Variants in KLRG1 observed in about 807,000 individuals in gnomAD.
KLRG1 encodes killer cell lectin-like receptor subfamily G member 1.
In KLRG1, 16 loss-of-function variants were observed where a neutral mutation model predicts 21.8. The observed-to-expected ratio is 0.73, with a 90% confidence interval of 0.50 to 1.11. The LOEUF is 1.11. Ranked by LOEUF, KLRG1 falls within the 50% of genes most tolerant of loss-of-function variation. The pLI, the probability that KLRG1 is intolerant of heterozygous loss-of-function variation, is 0.00. For synonymous variants in KLRG1, 69 were observed against 75.9 expected (o/e 0.91, Z 0.47); for missense variants, 173 against 218.3 (o/e 0.79, Z 1.31).
the KLRG1 span, among the ~76,000 whole-genome samples, chr12:9,129,135 C>T: frequency 2.0e-5 from 3 of 152,174 alleles, no homozygotes; most frequent in African/African-American, 7.2e-5. Flanking sequence ...CCTACACAGG[C>T]ACATCGGGCA....
the KLRG1 span, chr12:9,156,179 T>C: frequency 4.8e-6 from 1 of 208,606 alleles, no homozygotes; most frequent in South Asian, 8.7e-5. Context: ...TCTTGTAGGC[T>C]TCTTTTGTGA....
chr12:9,156,702 A>G, the KLRG1 span, among the ~76,000 whole-genome samples: 4 of 152,314 alleles, frequency 2.6e-5, no homozygotes, highest in South Asian at 4.1e-4. Flanking sequence ...AACATATGCA[A>G]TCCCAGAGAA....
At chr12:9,192,724 G>A in the KLRG1 span, 14 of 1,609,578 alleles carry the variant, frequency 8.7e-6, no homozygotes, top group Non-Finnish European at 1.2e-5. Flanking sequence ...CACAAGTTGG[G>A]ATGCACAGTG....
chr12:9,011,945 G>T (rs1432789941), downstream of KLRG1, among the ~76,000 whole-genome samples: 1 of 152,198 alleles, frequency 6.6e-6, no homozygotes, highest in Non-Finnish European at 1.5e-5. Context: ...AGCCACAGGG[G>T]AATGGCCCAT....
chr12:8,992,417 C>G (rs1316050272), intron 2 of KLRG1, 107 bp downstream of exon 2: 1 of 741,448 alleles, frequency 1.3e-6, no homozygotes, highest in South Asian at 1.8e-5. Context: ...CAAAATAACT[C>G]TCCATCTGTA....
chr12:9,118,012 T>C, the KLRG1 span, among the ~76,000 whole-genome samples: 1 of 152,176 alleles, frequency 6.6e-6, no homozygotes, highest in African/African-American at 2.4e-5. Context: ...ATTTTTCAGA[T>C]TATGGTGTTA....
the KLRG1 span, among the ~76,000 whole-genome samples, chr12:9,132,545 C>A: frequency 1.3e-5 from 2 of 152,126 alleles, no homozygotes; most frequent in Non-Finnish European, 2.9e-5. Flanking sequence ...AACATGATTA[C>A]TCTGGCATGA....
chr12:9,034,761 T>G, the KLRG1 span, among the ~76,000 whole-genome samples: 2 of 152,216 alleles, frequency 1.3e-5, no homozygotes, highest in Non-Finnish European at 2.9e-5. Context: ...TACTTTTTAC[T>G]GTTATTTTAG....
chr12:9,157,161 A>G, the KLRG1 span: 12 of 1,608,632 alleles, frequency 7.5e-6, no homozygotes, highest in East Asian at 1.8e-4. Flanking sequence ...GCTCCCACTT[A>G]TAAGTGCTCT....
chr12:8,971,331 T>C (rs1426691767), intron 1 of KLRG1: 3 of 152,126 alleles, frequency 2.0e-5, no homozygotes, highest in Non-Finnish European at 4.4e-5. Flanking sequence ...TTTCCATAAA[T>C]AATTTGTCTA....
the KLRG1 span, among the ~76,000 whole-genome samples, chr12:9,084,414 T>G: frequency 1.3e-5 from 2 of 152,130 alleles, no homozygotes; most frequent in African/African-American, 4.8e-5. Context: ...TTACAAAATA[T>G]GTAAATTCTG....
chr12:9,156,901 ATTAT>A, the KLRG1 span, among the ~76,000 whole-genome samples: 2 of 151,824 alleles, frequency 1.3e-5, no homozygotes, highest in African/African-American at 2.4e-5. Context: ...AAAAACTTTT[ATTAT>A]TTATCTATTT....
the KLRG1 span, chr12:9,027,854 C>T: frequency 1.1e-6 from 1 of 939,212 alleles, no homozygotes; most frequent in Admixed American, 1.7e-5. Flanking sequence ...AGTTGTCACT[C>T]CCACCAAAAC....
downstream of KLRG1, among the ~76,000 whole-genome samples, chr12:9,013,193 A>AGTGTTAT (rs1947655900): frequency 6.6e-6 from 1 of 152,174 alleles, no homozygotes; most frequent in South Asian, 2.1e-4. Context: ...GTGGCCAAAG[A>AGTGTTAT]CTTAGATCAT....
intron 1 of KLRG1, among the ~76,000 whole-genome samples, chr12:8,990,056 C>G (rs965463766): frequency 1.3e-5 from 2 of 152,098 alleles, no homozygotes; most frequent in African/African-American, 4.8e-5. Context: ...TTCGGAGTAA[C>G]CTTGGACCAG....
chr12:9,181,680 T>A, the KLRG1 span, among the ~76,000 whole-genome samples: 1 of 152,220 alleles, frequency 6.6e-6, no homozygotes, highest in African/African-American at 2.4e-5. Flanking sequence ...TGTTTACACT[T>A]ATTCTTCAGG....
intron 1 of KLRG1, among the ~76,000 whole-genome samples, chr12:8,974,135 ACT>A (rs963745798): frequency 6.7e-6 from 1 of 149,144 alleles, no homozygotes; most frequent in Non-Finnish European, 1.5e-5. Flanking sequence ...TACAGGCAAA[ACT>A]CTCAGTTTTT....
chr12:9,161,115 AC>A, the KLRG1 span: 6 of 1,563,166 alleles, frequency 3.8e-6, no homozygotes, highest in South Asian at 6.9e-5. Context: ...ACACATTAGC[AC>A]CTTTAGAAAC....
chr12:8,951,003 G>A lies in KLRG1; in HGVS notation c.-156+767G>A, dbSNP rs115366897. Among the ~76,000 whole-genome samples the A allele has an allele frequency of 3.0e-3, 455 of 151,326 alleles. 2 individuals carry two copies. Among genetic ancestry groups the A allele is most frequent in the African/African-American group, 0.011 (441 of 41,194 alleles). On this transcript the variant is annotated intron_variant, in intron 1 of 4. Transcript: ENST00000539240. ...TAATACATTCAGTTCAGGCTAGGTA[G>A]TAATCATATCTGGGTTGGATGTTGC...
Sources: gnomAD v4.1 joint callset for allele counts (sites outside exome capture counted in the v4.1 genomes callset) on GRCh38, gnomAD v4.1.1 for gene constraint, MANE v1.5 for transcripts, NCBI Gene and HGNC (gene_info 2026-07-23, HGNC 2026-07-21) for gene names.